The following CLDN14 variants were observed in gnomAD, a reference collection of about 807,000 sequenced individuals.
CLDN14 encodes the protein claudin 14, also known as claudin-14.
Under a neutral mutation model 2.1 loss-of-function variants are expected in CLDN14, and 2 were observed. The ratio of observed to expected loss-of-function variants is 0.96; its 90% confidence interval spans 0.39 to 3.01. The LOEUF (loss-of-function observed/expected upper bound fraction) is 3.01. Ranked by LOEUF, CLDN14 falls within the 30% of genes most tolerant of loss-of-function variation. CLDN14 has a pLI of 0.09. For synonymous variants in CLDN14, 136 were observed against 154.4 expected, an observed-to-expected ratio of 0.88 and a Z score of 0.88; for missense variants, 298 against 328.0, an observed-to-expected ratio of 0.91 and a Z score of 0.71.
chr21:36,569,555 A>G (rs967476804), intron 1 of CLDN14, among the ~76,000 whole-genome samples: 3 of 152,260 alleles, frequency 2.0e-5, no homozygotes, highest in African/African-American at 4.8e-5. Flanking sequence ...TGAATTATCA[A>G]ATTAGAAAAC....
chr21:36,501,643 G>C (rs2087093307), intron 2 of CLDN14, among the ~76,000 whole-genome samples: 1 of 152,002 alleles, frequency 6.6e-6, no homozygotes, highest in Non-Finnish European at 1.5e-5. Context: ...CTGCTGCTTT[G>C]ACAGGTACGC....
intron 1 of CLDN14, among the ~76,000 whole-genome samples, chr21:36,575,864 A>G (rs932080369): frequency 1.3e-5 from 2 of 152,168 alleles, no homozygotes; most frequent in Admixed American, 1.3e-4. Flanking sequence ...GAGCTCATAG[A>G]CCCTGTATAC....
intron 2 of CLDN14, among the ~76,000 whole-genome samples, chr21:36,489,532 G>A (rs2086939746): frequency 6.6e-6 from 1 of 152,128 alleles, no homozygotes; most frequent in Non-Finnish European, 1.5e-5. Flanking sequence ...GCTTGGGCAG[G>A]GGCTCAGCTC....
rs1402905264 is a variant in CLDN14, at chr21:36,499,336, G to A, written c.-82+11027C>T. 1.3e-5 allele frequency among the ~76,000 whole-genome samples: 2 copies of A among 152,120 alleles called. No homozygotes were observed. Among genetic ancestry groups the A allele is most frequent in the Non-Finnish European group, 2.9e-5 (2 of 68,022 alleles). On this transcript the variant is annotated intron_variant, in intron 2 of 2. Transcript: ENST00000342108. The surrounding 1 kb of genome is among the most constrained non-coding windows in gnomAD (Gnocchi z 4.7). The stretch of plus-strand genomic sequence containing the variant: ...GTGATCTCAGCTCGCTGCAACCTCT[G>A]CCTCCTGGGTTCAAGCGATTCTCCT...
chr21:36,524,082 T>C (rs1209709705), intron 1 of CLDN14, among the ~76,000 whole-genome samples: 3 of 151,544 alleles, frequency 2.0e-5, no homozygotes, highest in Non-Finnish European at 4.4e-5. Context: ...CCATCAGCAG[T>C]GTGAGCTGCA....
chr21:36,485,838 G>A (rs568189823), intron 2 of CLDN14: 1 of 496,458 alleles, frequency 2.0e-6, no homozygotes, highest in African/African-American at 2.0e-5. Context: ...GATGGGAAAT[G>A]AGAGGTTCCA....
chr21:36,488,436 T>C (rs1045872767), intron 2 of CLDN14, among the ~76,000 whole-genome samples: 2 of 152,040 alleles, frequency 1.3e-5, no homozygotes, highest in Non-Finnish European at 2.9e-5. Flanking sequence ...CATGCCCAGC[T>C]AATTTTTGTA....
chr21:36,535,847 T>C (rs1442631717), intron 1 of CLDN14, among the ~76,000 whole-genome samples: 2 of 152,210 alleles, frequency 1.3e-5, no homozygotes, highest in African/African-American at 4.8e-5. Context: ...GCAGTTCAAA[T>C]GGCCATATGA....
chr21:36,559,532 A>T (rs2087620420), intron 1 of CLDN14, among the ~76,000 whole-genome samples: 1 of 152,178 alleles, frequency 6.6e-6, no homozygotes, highest in African/African-American at 2.4e-5. Context: ...AAAACCTGTC[A>T]ACTGTCCTTT....
At chr21:36,531,752 C>T (rs763230853) in intron 1 of CLDN14, among the ~76,000 whole-genome samples, 6 of 147,904 alleles carry the variant, frequency 4.1e-5, no homozygotes, top group South Asian at 2.1e-4. Context: ...AATTAAAATA[C>T]GTTTTAAAAT....
intron 1 of CLDN14, among the ~76,000 whole-genome samples, chr21:36,534,688 G>A (rs1400312162): frequency 6.6e-6 from 1 of 152,120 alleles, no homozygotes; most frequent in African/African-American, 2.4e-5. Flanking sequence ...GGGGCAAGCA[G>A]CCTCTAAATT....
At chr21:36,520,277 T>C (rs1194059823) in intron 1 of CLDN14, among the ~76,000 whole-genome samples, 2 of 152,232 alleles carry the variant, frequency 1.3e-5, no homozygotes, top group African/African-American at 4.8e-5. Context: ...CAGTGTGACC[T>C]CATCTTAACT....
chr21:36,543,731 T>C (rs2146512670), intron 1 of CLDN14, among the ~76,000 whole-genome samples: 1 of 149,130 alleles, frequency 6.7e-6, no homozygotes, highest in Non-Finnish European at 1.5e-5. Context: ...AACCCAGGCA[T>C]CTAGTTCTAG....
chr21:36,536,673 G>A (rs2087425972), intron 1 of CLDN14, among the ~76,000 whole-genome samples: 2 of 152,154 alleles, frequency 1.3e-5, no homozygotes, highest in South Asian at 2.1e-4. Flanking sequence ...TGTGTTTATA[G>A]CACCTCTATT....
intron 2 of CLDN14, among the ~76,000 whole-genome samples, chr21:36,485,168 C>T (rs1001905888): frequency 2.6e-5 from 4 of 151,530 alleles, no homozygotes; most frequent in African/African-American, 7.2e-5. Context: ...GTGTTCTTTA[C>T]AGTTGCCACT....
chr21:36,539,774 GGA>G, intron 1 of CLDN14, among the ~76,000 whole-genome samples: 1 of 150,342 alleles, frequency 6.7e-6, no homozygotes, highest in East Asian at 2.0e-4. Flanking sequence ...GTGTGTATGT[GGA>G]GTGAGTGTGT....
intron 1 of CLDN14, among the ~76,000 whole-genome samples, chr21:36,516,519 T>C (rs888274424): frequency 1.3e-5 from 2 of 152,240 alleles, no homozygotes; most frequent in Non-Finnish European, 2.9e-5. Flanking sequence ...GAACTTCCTC[T>C]CAATTTCTGT....
Position 36,499,608 on chromosome 21 carries a change from G to C in CLDN14, c.-82+10755C>G, listed in dbSNP as rs1026035462. Among the ~76,000 whole-genome samples, 7 of 152,292 alleles carry C rather than the reference G, an allele frequency of 4.6e-5. No homozygotes were observed. Among genetic ancestry groups the C allele is most frequent in the African/African-American group, 1.7e-4 (7 of 41,558 alleles). The stretch of plus-strand genomic sequence containing the variant: ...CTACCGAATCAGAATTTCAGGAGGG[G>C]AGGTTAGGAATCTGTGGTTTTATGT... On this transcript the variant is annotated intron_variant, in intron 2 of 2. Transcript: ENST00000342108. This position sits in a 1 kb window ranked among gnomAD's most constrained non-coding sequence, Gnocchi z 4.7.
chr21:36,505,407 G>A (rs1016572826), intron 2 of CLDN14, among the ~76,000 whole-genome samples: 2 of 152,152 alleles, frequency 1.3e-5, no homozygotes, highest in Non-Finnish European at 2.9e-5. Flanking sequence ...ATTCCAGGAC[G>A]ATGAAGCCAT....
Sources: allele counts gnomAD v4.1 joint callset (sites outside exome capture counted in the v4.1 genomes callset), GRCh38; gene constraint gnomAD v4.1.1; non-coding constraint Gnocchi (gnomAD v3.1); transcripts MANE v1.5; gene names NCBI Gene and HGNC (gene_info 2026-07-23, HGNC 2026-07-21).